Variants in NIPAL4 observed in about 807,000 individuals in gnomAD.
NIPAL4 encodes NIPA like domain containing 4.
Under a neutral mutation model 31.6 loss-of-function variants are expected in NIPAL4, and 21 were observed. The observed-to-expected ratio is 0.67, with a 90% confidence interval of 0.47 to 0.96. The LOEUF is 0.96. Ranked by LOEUF, NIPAL4 falls within the 40% of genes least tolerant of loss-of-function variation. NIPAL4 has a pLI of 0.00. For missense variants in NIPAL4, 438 were observed against 508.0 expected, an observed-to-expected ratio of 0.86 and a Z score of 1.32; for synonymous variants, 175 against 211.1, an observed-to-expected ratio of 0.83 and a Z score of 1.48.
chr5:157,464,523 G>A (rs56259240), intron 2 of NIPAL4, among the ~76,000 whole-genome samples: 42,139 of 151,992 alleles, frequency 0.28, 6,518 homozygotes, highest in East Asian at 0.72. Context: ...CCCGGGAGAC[G>A]GAAATGGGAA....
At chr5:157,466,856 C>T (rs1219733496) in intron 2 of NIPAL4, among the ~76,000 whole-genome samples, 193 bp from the exon 3 acceptor site, 1 of 152,180 alleles carries the variant, frequency 6.6e-6, no homozygotes, top group Non-Finnish European at 1.5e-5. Context: ...AAGGTCCAGG[C>T]TACAGATATA....
In NIPAL4 at chr5:157,473,153, A is replaced by G. The variant is rs1019812867; in HGVS notation, c.*193A>G. On this transcript the variant is annotated 3_prime_UTR_variant, in exon 6 of 6. Transcript: ENST00000311946. ...TAGCAATGGTGGCAGAACTTCCTGG[A>G]AACAGATTCAGTGACCAAATACCCA... 5 of 493,384 alleles carry G rather than the reference A, an allele frequency of 1.0e-5. No individual in the cohort carries two copies. Among genetic ancestry groups the G allele is most frequent in the African/African-American group, 3.8e-5 (2 of 52,024 alleles). The allele number at this position is 493,384 out of a possible 1,614,324, so 30.6% of individuals were successfully genotyped here. A position where few individuals can be genotyped will look rare whatever the true frequency, so the allele number is the denominator to read the frequency against.
intron 1 of NIPAL4, among the ~76,000 whole-genome samples, chr5:157,462,000 C>T (rs1461085354): frequency 2.0e-5 from 3 of 152,184 alleles, no homozygotes; most frequent in African/African-American, 7.2e-5. Flanking sequence ...TGGGGCCCTT[C>T]CAGGCACTGC....
rs780562948 is a variant in NIPAL4, at chr5:157,471,744, G to A, written c.513G>A (p.Val171=). The A allele has an allele frequency of 1.9e-6, 3 of 1,606,240 alleles. No homozygotes were observed. Among genetic ancestry groups the A allele is most frequent in the South Asian group, 1.1e-5 (1 of 89,330 alleles). ...TGATCTGTGTGGCCGGAAGCACAGT[G>A]ATGGTGATACATGCTCCTGAGGAAG... ...GCVICVAGST[V]MVIHAPEEEK... The change falls in exon 5 of 6, where the codon GTG becomes GTA. Residue 171 remains valine (V), a synonymous_variant. Transcript: ENST00000311946.
At chr5:157,465,450 A>C (rs1375455829) in intron 2 of NIPAL4, among the ~76,000 whole-genome samples, 2 of 152,218 alleles carry the variant, frequency 1.3e-5, no homozygotes, top group Admixed American at 1.3e-4. Context: ...AAAAGTGGGC[A>C]TTCCCAAAAG....
At chr5:157,461,018 AAT>A (rs1257794149) in intron 1 of NIPAL4, among the ~76,000 whole-genome samples, 1 of 152,214 alleles carries the variant, frequency 6.6e-6, no homozygotes, top group Non-Finnish European at 1.5e-5. Context: ...GAGGAAATGG[AAT>A]ATAGATCCAA....
In NIPAL4 at chr5:157,462,708, T is replaced by C. The variant is rs562847686; in HGVS notation, c.38-386T>C. ...TCTTCAACTAAAAGCCTATAAAAGA[T>C]TGTTGTGCCTGCTTCCAAGTGGTCA... On this transcript the variant is annotated intron_variant, in intron 1 of 5. Transcript: ENST00000311946. Among the ~76,000 whole-genome samples, 9 of 152,314 alleles carry C rather than the reference T, an allele frequency of 5.9e-5. No homozygotes were observed. In the South Asian group the frequency reaches 1.9e-3, roughly 32 times the overall value.
Position 157,472,848 on chromosome 5 carries a change from C to G in NIPAL4, c.1103C>G (p.Pro368Arg), listed in dbSNP as rs371714489. 1 of 1,582,948 alleles carries G rather than the reference C, an allele frequency of 6.3e-7. No homozygotes were observed. Among genetic ancestry groups the G allele is most frequent in the South Asian group, 1.2e-5 (1 of 85,144 alleles). The change falls in exon 6 of 6, where the codon CCG becomes CGG. Residue 368 changes from proline (P) to arginine (R), a missense_variant. Pro to Arg is a moderately radical substitution (Grantham distance 103). Transcript: ENST00000311946. The stretch of plus-strand genomic sequence containing the variant: ...AAAAACCCACCCCCTTCTCCCGCCC[C>G]GGAACCCACTGTTATTAGACTGGAA... Reference protein sequence around the residue: ...MHKNPPPSPAPEPTVIRLEDK... With the variant: ...MHKNPPPSPAREPTVIRLEDK...
intron 2 of NIPAL4, among the ~76,000 whole-genome samples, chr5:157,465,802 G>A (rs4704865): frequency 0.3 from 45,344 of 151,934 alleles, 7,306 homozygotes; most frequent in East Asian, 0.72. Flanking sequence ...GACCAGCCTG[G>A]GAAACATAGC....
intron 2 of NIPAL4, among the ~76,000 whole-genome samples, chr5:157,466,485 G>C (rs1305617590): frequency 6.6e-6 from 1 of 152,180 alleles, no homozygotes; most frequent in East Asian, 1.9e-4. Context: ...GGTTATTAAA[G>C]GGCCAAGAGT....
At chr5:157,470,959 G>C (rs779581546) in intron 4 of NIPAL4, among the ~76,000 whole-genome samples, 4 of 152,170 alleles carry the variant, frequency 2.6e-5, no homozygotes, top group Non-Finnish European at 1.5e-5. Flanking sequence ...CTCTAAAATG[G>C]AAGAAATTCA....
intron 2 of NIPAL4, among the ~76,000 whole-genome samples, chr5:157,465,268 T>G (rs1304821145): frequency 6.6e-6 from 1 of 152,218 alleles, no homozygotes; most frequent in Non-Finnish European, 1.5e-5. Flanking sequence ...GAAGGTATCA[T>G]TGACCATTCA....
At chr5:157,468,834 C>T in intron 4 of NIPAL4, 22 bp downstream of exon 4, 1 of 1,473,452 alleles carries the variant, frequency 6.8e-7, no homozygotes, top group Non-Finnish European at 9.3e-7. Context: ...CTCTCTAGCT[C>T]TCTCTTTTTC....
At chr5:157,471,987 A>G (rs970744153) in intron 5 of NIPAL4, among the ~76,000 whole-genome samples, 170 bp downstream of exon 5, 1 of 152,210 alleles carries the variant, frequency 6.6e-6, no homozygotes, top group African/African-American at 2.4e-5. Context: ...AGGCTAGCTT[A>G]AAGGCTTCCT....
chr5:157,460,313 C>G lies in NIPAL4; in HGVS notation c.-8C>G. Reference sequence around the variant, plus strand: ...CGCCCGCGCGTCGGTTCGTGTGCCCCGGGCCCCATGGAGCTGCGGGTCAGC... The same window carrying G: ...CGCCCGCGCGTCGGTTCGTGTGCCCGGGGCCCCATGGAGCTGCGGGTCAGC... On this transcript the variant is annotated 5_prime_UTR_variant, in exon 1 of 6. Coordinates refer to ENST00000311946, the MANE Select transcript of NIPAL4 (RefSeq NM_001099287.2). The G allele has an allele frequency of 1.9e-6, 3 of 1,547,974 alleles. No individual in the cohort carries two copies. The highest frequency in any genetic ancestry group is 2.4e-5 in the East Asian group (1 of 40,828).
At chr5:157,469,317 A>C (rs1359936581) in intron 4 of NIPAL4, among the ~76,000 whole-genome samples, 1 of 152,266 alleles carries the variant, frequency 6.6e-6, no homozygotes, top group African/African-American at 2.4e-5. Flanking sequence ...TAATGCACAG[A>C]AAATGCACAG....
At chr5:157,463,028 T>A in intron 1 of NIPAL4, 66 bp from the exon 2 acceptor site, 1 of 1,591,074 alleles carries the variant, frequency 6.3e-7, no homozygotes, top group Middle Eastern at 1.7e-4. Context: ...CAGTGGCCAA[T>A]TCCAATATTT....
At chr5:157,460,662 G>C in intron 1 of NIPAL4, 1 of 598,598 alleles carries the variant, frequency 1.7e-6, no homozygotes, top group Non-Finnish European at 3.1e-6. Flanking sequence ...TGGTGGGGGC[G>C]GGGGGAGGAT....
chr5:157,463,144 G>T lies in NIPAL4; in HGVS notation c.88G>T (p.Val30Phe). 6.2e-7 allele frequency: 1 copy of T among 1,614,028 alleles called. No homozygotes were observed. The highest frequency in any genetic ancestry group is 8.5e-7 in the Non-Finnish European group (1 of 1,179,894). The change falls in exon 2 of 6, where the codon GTC becomes TTC. Residue 30 changes from valine (V) to phenylalanine (F), a missense_variant. Physicochemically the swap from Val to Phe is conservative, Grantham distance 50. Transcript: ENST00000311946. Reference sequence around the variant, plus strand: ...CTCCCAAGAAGTCCTGTGCCAGATTGTCAATGACCTCAGCCCTGAGGTGCC... The same window carrying T: ...CTCCCAAGAAGTCCTGTGCCAGATTTTCAATGACCTCAGCCCTGAGGTGCC... ...CSSQEVLCQI[V>F]NDLSPEVPSN...
Sources: gnomAD v4.1 joint callset for allele counts (sites outside exome capture counted in the v4.1 genomes callset) on GRCh38, gnomAD v4.1.1 for gene constraint, MANE v1.5 for transcripts, NCBI Gene and HGNC (gene_info 2026-07-23, HGNC 2026-07-21) for gene names.